CDKAL1: variants seen among roughly 807,000 people sequenced by gnomAD.
CDKAL1 encodes the protein CDKAL1 threonylcarbamoyladenosine tRNA methylthiotransferase.
Under a neutral mutation model 68.2 loss-of-function variants are expected in CDKAL1, and 32 were observed. The ratio of observed to expected loss-of-function variants is 0.47; its 90% CI spans 0.35 to 0.63. The LOEUF (loss-of-function observed/expected upper bound fraction) is 0.63, where lower values mean the gene tolerates loss of function less well. Ranked by LOEUF, CDKAL1 falls within the 30% of genes least tolerant of loss-of-function variation. The pLI is 0.00. For missense variants in CDKAL1, 606 were observed against 696.7 expected (o/e 0.87, Z 1.47); for synonymous variants, 234 against 244.3 (o/e 0.96, Z 0.39).
At chr6:20,642,899 AAACAACAAC>A (rs79933332) in intron 4 of CDKAL1, among the ~76,000 whole-genome samples, 16,170 of 150,342 alleles carry the variant, frequency 0.11, 1,106 homozygotes, top group East Asian at 0.35. Context: ...ACTTTGTCTC[AAACAACAAC>A]AACAACAACA....
At chr6:20,942,573 G>A (rs1177490347) in intron 9 of CDKAL1, among the ~76,000 whole-genome samples, 5 of 150,192 alleles carry the variant, frequency 3.3e-5, no homozygotes, top group Admixed American at 6.6e-5. Context: ...CTCCATCTTA[G>A]TCAGGCTGGT....
intron 11 of CDKAL1, among the ~76,000 whole-genome samples, chr6:21,053,308 CTTT>C (rs1770642838): frequency 1.3e-5 from 2 of 152,118 alleles, no homozygotes; most frequent in Non-Finnish European, 1.5e-5. Context: ...GTAGTTGGCT[CTTT>C]TTTATTTGTA....
intron 7 of CDKAL1, among the ~76,000 whole-genome samples, chr6:20,780,097 C>T (rs1775350108): frequency 7.5e-6 from 1 of 132,718 alleles, no homozygotes. Context: ...AAAACCTAAC[C>T]TTAAAAAAAA....
chr6:20,930,645 G>A (rs1763398869), intron 9 of CDKAL1, among the ~76,000 whole-genome samples: 1 of 151,982 alleles, frequency 6.6e-6, no homozygotes, highest in Non-Finnish European at 1.5e-5. Flanking sequence ...ACAGTTGCTA[G>A]GATTTGTTTT....
intron 15 of CDKAL1, among the ~76,000 whole-genome samples, chr6:21,209,887 A>T (rs1261060292): frequency 2.0e-5 from 3 of 152,172 alleles, no homozygotes; most frequent in Non-Finnish European, 2.9e-5. Context: ...CCACTCTTCC[A>T]CACTCACATT....
chr6:20,680,541 T>C (rs1770327925), intron 5 of CDKAL1, among the ~76,000 whole-genome samples: 1 of 152,238 alleles, frequency 6.6e-6, no homozygotes, highest in Non-Finnish European at 1.5e-5. Context: ...CATTCGGTGC[T>C]CAAACCATTA....
chr6:21,117,872 T>C (rs181650206), intron 13 of CDKAL1, among the ~76,000 whole-genome samples: 1 of 152,292 alleles, frequency 6.6e-6, no homozygotes, highest in East Asian at 1.9e-4. Flanking sequence ...TCCTTGTATA[T>C]AATGCACCTG....
chr6:20,807,413 G>A (rs1002844403), intron 8 of CDKAL1, among the ~76,000 whole-genome samples: 6 of 152,086 alleles, frequency 3.9e-5, no homozygotes, highest in Admixed American at 1.3e-4. Context: ...TGTAGAGATG[G>A]GGTTTCGCCA....
chr6:21,093,713 T>TGC (rs1377920426), intron 12 of CDKAL1, among the ~76,000 whole-genome samples: 1 of 97,446 alleles, frequency 1.0e-5, no homozygotes, highest in African/African-American at 4.5e-5. Flanking sequence ...TTTTTTTTTT[T>TGC]TTTTTTTTTT....
At chr6:20,580,245 C>G (rs1304830645) in intron 4 of CDKAL1, among the ~76,000 whole-genome samples, 1 of 152,130 alleles carries the variant, frequency 6.6e-6, no homozygotes, top group Non-Finnish European at 1.5e-5. Context: ...TTCAAGCCCC[C>G]AGAAAGTCCA....
chr6:20,700,216 A>T (rs539191933), intron 5 of CDKAL1, among the ~76,000 whole-genome samples: 3 of 152,048 alleles, frequency 2.0e-5, no homozygotes, highest in Admixed American at 1.3e-4. Context: ...TGAGCCAGGC[A>T]TGGTGGCACA....
At chr6:21,090,785 C>G (rs986119797) in intron 12 of CDKAL1, among the ~76,000 whole-genome samples, 2 of 148,700 alleles carry the variant, frequency 1.3e-5, no homozygotes, top group Admixed American at 1.4e-4. Flanking sequence ...TGTAAGTATA[C>G]TAACAATTTT....
At chr6:21,200,731 G>A (rs1351497447) in intron 14 of CDKAL1, 3 of 160,458 alleles carry the variant, frequency 1.9e-5, no homozygotes, top group African/African-American at 7.2e-5. Flanking sequence ...ATCCTGCACT[G>A]GAAAAGCACT....
At chr6:20,868,019 A>T (rs538385901) in intron 9 of CDKAL1, among the ~76,000 whole-genome samples, 1 of 150,754 alleles carries the variant, frequency 6.6e-6, no homozygotes, top group African/African-American at 2.4e-5. Context: ...AGCTAGGCAA[A>T]TTTGTCCTTT....
intron 5 of CDKAL1, among the ~76,000 whole-genome samples, chr6:20,718,642 G>T (rs1481135204): frequency 6.6e-6 from 1 of 152,040 alleles, no homozygotes; most frequent in Non-Finnish European, 1.5e-5. Context: ...TTTACAAATG[G>T]ATATATGAAA....
intron 4 of CDKAL1, among the ~76,000 whole-genome samples, chr6:20,633,824 T>C (rs1269946863): frequency 6.6e-6 from 1 of 152,242 alleles, no homozygotes; most frequent in Non-Finnish European, 1.5e-5. Context: ...TATATGTCTT[T>C]GGAGAAATGT....
chr6:20,636,807 C>T (rs970956769), intron 4 of CDKAL1, among the ~76,000 whole-genome samples: 6 of 152,028 alleles, frequency 3.9e-5, no homozygotes, highest in Admixed American at 6.6e-5. Flanking sequence ...GAGGCCGAGG[C>T]GGGTGGATCA....
intron 5 of CDKAL1, among the ~76,000 whole-genome samples, chr6:20,717,173 A>G (rs10946403): frequency 0.3 from 45,636 of 151,630 alleles, 8,699 homozygotes; most frequent in African/African-American, 0.53. Flanking sequence ...AAGTGAGATA[A>G]AGTACTTATT....
At position 20,839,531 on chromosome 6, in the gene CDKAL1, G is replaced by T. The variant is rs1778091121; in HGVS notation, c.639-6544G>T. ...GGAAAAATAGTTACTATTGAAAATGGATGGTCTTTGATAGACTATCAGGCC... is the reference window on the plus strand; with the variant it reads ...GGAAAAATAGTTACTATTGAAAATGTATGGTCTTTGATAGACTATCAGGCC... On this transcript the variant is annotated intron_variant, in intron 8 of 15. Transcript: ENST00000274695. Among the ~76,000 whole-genome samples the T allele has an allele frequency of 2.0e-5, 3 of 152,148 alleles. No individual in the cohort carries two copies. The South Asian group carries it at 6.2e-4, about 32-fold the overall frequency.
Sources: allele counts gnomAD v4.1 joint callset (sites outside exome capture counted in the v4.1 genomes callset), GRCh38; gene constraint gnomAD v4.1.1; transcripts MANE v1.5; gene names NCBI Gene and HGNC (gene_info 2026-07-23, HGNC 2026-07-21).